The following FREM2 variants were observed in gnomAD, a reference collection of about 807,000 sequenced individuals.
FREM2 encodes FRAS1 related extracellular matrix 2.
In FREM2, 119 loss-of-function variants were observed where a neutral mutation model predicts 219.9. The observed-to-expected ratio is 0.54, with a 90% CI of 0.47 to 0.63. The LOEUF (loss-of-function observed/expected upper bound fraction) is 0.63. FREM2 is among the 30% of genes least tolerant of loss of function. The probability of loss-of-function intolerance (pLI) is 0.00; values close to 1 mark genes in which losing one functional copy is unlikely to be tolerated. For missense variants in FREM2, 4,030 were observed against 3,993.6 expected (o/e 1.01, Z -0.25); for synonymous variants, 1,562 against 1,522.8 (o/e 1.03, Z -0.60).
At position 38,689,306 on chromosome 13, in the gene FREM2, C is replaced by A. The variant is rs764816586; in HGVS notation, c.1962C>A (p.Phe654Leu). The A allele has an allele frequency of 6.2e-7, 1 of 1,614,094 alleles. No homozygotes were observed. The highest frequency in any genetic ancestry group is 2.2e-5 in the East Asian group (1 of 44,866). The change falls in exon 1 of 24, where the codon TTC becomes TTA. Residue 654 changes from phenylalanine to leucine, a missense_variant. By Grantham distance (22) the Phe-to-Leu change is conservative. Around this residue, in one of 2 missense-constraint regions of FREM2, gnomAD observed 3,102 missense variants for 2,950.7 expected, o/e 1.05. Coordinates refer to ENST00000280481, the MANE Select transcript of FREM2 (RefSeq NM_207361.6). Reference protein sequence around the residue: ...QQQDITEGRLFYRHSGPHSPG... With the variant: ...QQQDITEGRLLYRHSGPHSPG... ...AGGACATAACAGAGGGCAGGCTGTTCTATAGACACTCTGGGCCCCATAGTC... is the reference window on the plus strand; with the variant it reads ...AGGACATAACAGAGGGCAGGCTGTTATATAGACACTCTGGGCCCCATAGTC...
At chr13:38,822,661 A>G (rs1327199512) in intron 6 of FREM2, among the ~76,000 whole-genome samples, 3 of 152,108 alleles carry the variant, frequency 2.0e-5, no homozygotes, top group Non-Finnish European at 4.4e-5. Context: ...CAAACCTAGC[A>G]TGCATGTTTT....
chr13:38,744,390 GA>G (rs1246484762), intron 2 of FREM2, among the ~76,000 whole-genome samples: 2 of 151,244 alleles, frequency 1.3e-5, no homozygotes, highest in Middle Eastern at 3.4e-3. Context: ...TTTTTGTAGA[GA>G]TGGTGTCTCA....
Position 38,864,482 on chromosome 13 carries a change from GT to G in FREM2, c.7861del (p.Ser2621ProfsTer10), listed in dbSNP as rs1877884121. ...YPYQYSLSIR[G>X]STTLRFYRNL... ...TACCAGTACAGCTTGTCCATCAGAG[GT>G]TCCACTACCTTGCGCTTCTACCGGA... On this transcript the variant is annotated frameshift_variant, in exon 16 of 24. Transcript: ENST00000280481. LOFTEE classifies it high-confidence loss of function. 6.2e-7 allele frequency: 1 copy of G among 1,614,062 alleles called. No individual in the cohort carries two copies. The highest frequency in any genetic ancestry group is 8.5e-7 in the Non-Finnish European group (1 of 1,180,016).
intron 6 of FREM2, among the ~76,000 whole-genome samples, chr13:38,793,367 A>G (rs1015577249): frequency 6.6e-6 from 1 of 152,212 alleles, no homozygotes; most frequent in African/African-American, 2.4e-5. Context: ...AACTTTGAGG[A>G]TGATATCAAG....
intron 6 of FREM2, among the ~76,000 whole-genome samples, chr13:38,831,424 T>A (rs1876503966): frequency 6.6e-6 from 1 of 152,160 alleles, no homozygotes; most frequent in South Asian, 2.1e-4. Flanking sequence ...GAAGAAAGAC[T>A]CACTATGTAT....
chr13:38,695,921 A>G lies in FREM2; in HGVS notation c.5174-1777A>G, dbSNP rs1870090905. Among the ~76,000 whole-genome samples the G allele has an allele frequency of 2.0e-5, 3 of 152,212 alleles. No individual in the cohort carries two copies. In the South Asian group the frequency reaches 6.2e-4, roughly 32 times the overall value. ...CTGTGGGAAGTTAAGATAGGAAAAA[A>G]AAATCCCAGAAGTTTTTCATCTACT... On this transcript the variant is annotated intron_variant, in intron 1 of 23. Transcript: ENST00000280481.
chr13:38,798,211 T>C (rs1874867661), intron 6 of FREM2, among the ~76,000 whole-genome samples: 1 of 152,178 alleles, frequency 6.6e-6, no homozygotes, highest in Admixed American at 6.5e-5. Flanking sequence ...CAAATGCCTT[T>C]TCTGTGTCTA....
intron 2 of FREM2, among the ~76,000 whole-genome samples, chr13:38,739,083 G>T (rs1396464566): frequency 3.3e-5 from 5 of 152,180 alleles, no homozygotes; most frequent in South Asian, 2.1e-4. Context: ...GCAATGTCCA[G>T]TCCACAGTAA....
intron 5 of FREM2, among the ~76,000 whole-genome samples, chr13:38,784,347 A>G (rs911405538): frequency 6.6e-6 from 1 of 152,204 alleles, no homozygotes; most frequent in Non-Finnish European, 1.5e-5. Context: ...TGAACACTTG[A>G]AATGTAATAT....
intron 2 of FREM2, among the ~76,000 whole-genome samples, chr13:38,739,426 G>A (rs1872144302): frequency 6.6e-6 from 1 of 152,056 alleles, no homozygotes; most frequent in African/African-American, 2.4e-5. Flanking sequence ...TTTATGGGAA[G>A]GAGAAAAATA....
At chr13:38,768,732 G>A (rs180774058) in intron 3 of FREM2, among the ~76,000 whole-genome samples, 10 of 152,208 alleles carry the variant, frequency 6.6e-5, no homozygotes, top group Non-Finnish European at 1.2e-4. Flanking sequence ...TACCATTGCC[G>A]TTTTATAATT....
At chr13:38,777,120 A>G (rs548446586) in intron 4 of FREM2, among the ~76,000 whole-genome samples, 60 of 152,016 alleles carry the variant, frequency 3.9e-4, no homozygotes, top group Non-Finnish European at 2.4e-4. Context: ...TAATATGCAT[A>G]TTGTACATAT....
chr13:38,810,340 G>A (rs1875428075), intron 6 of FREM2, among the ~76,000 whole-genome samples: 1 of 151,978 alleles, frequency 6.6e-6, no homozygotes. Flanking sequence ...TTCTAGCTGA[G>A]ACATCCAGTT....
chr13:38,793,319 T>C, intron 6 of FREM2, among the ~76,000 whole-genome samples: 1 of 152,170 alleles, frequency 6.6e-6, no homozygotes, highest in South Asian at 2.1e-4. Context: ...CAAACCAGGT[T>C]CAGGAAAAAC....
At chr13:38,829,763 A>G (rs1251399931) in intron 6 of FREM2, among the ~76,000 whole-genome samples, 6 of 152,008 alleles carry the variant, frequency 3.9e-5, no homozygotes, top group Admixed American at 3.3e-4. Context: ...TTATTCAAAT[A>G]AACAATAGAT....
At chr13:38,872,484 T>C (rs1878192683) in intron 16 of FREM2, among the ~76,000 whole-genome samples, 1 of 152,188 alleles carries the variant, frequency 6.6e-6, no homozygotes, top group South Asian at 2.1e-4. Context: ...TTTGTAAGTA[T>C]AGTATGCTCA....
intron 6 of FREM2, among the ~76,000 whole-genome samples, chr13:38,794,682 G>C (rs981456402): frequency 4.6e-5 from 7 of 151,414 alleles, no homozygotes; most frequent in African/African-American, 1.7e-4. Flanking sequence ...TTGATATCTT[G>C]ATGTTTTATC....
intron 3 of FREM2, among the ~76,000 whole-genome samples, chr13:38,767,282 T>C (rs571181925): frequency 6.6e-6 from 1 of 152,338 alleles, no homozygotes; most frequent in East Asian, 1.9e-4. Context: ...AAAGATCCAA[T>C]TGCAGTTTCA....
Position 38,691,519 on chromosome 13 carries a change from A to T in FREM2, c.4175A>T (p.Asp1392Val), listed in dbSNP as rs1433721787. The T allele has an allele frequency of 1.2e-6, 2 of 1,614,014 alleles. No individual in the cohort carries two copies. Among genetic ancestry groups the T allele is most frequent in the Non-Finnish European group, 1.7e-6 (2 of 1,180,022 alleles). The stretch of plus-strand genomic sequence containing the variant: ...CATTTGGGGCAAGAGGGCATTCGGG[A>T]CCTAATTAAATTTGATGTGACTGAT... Reference protein sequence around the residue: ...YVHLGQEGIRDLIKFDVTDGI... With the variant: ...YVHLGQEGIRVLIKFDVTDGI... Residue 1392 changes from aspartate (D) to valine (V), a missense_variant, in exon 1 of 24, where the codon GAC becomes GTC. Transcript: ENST00000280481.
Sources: gnomAD v4.1 joint callset for allele counts (sites outside exome capture counted in the v4.1 genomes callset) on GRCh38, gnomAD v4.1.1 for gene constraint, gnomAD v4.1.1 regional missense constraint, MANE v1.5 for transcripts, NCBI Gene and HGNC (gene_info 2026-07-23, HGNC 2026-07-21) for gene names.